COL5A2: variants seen among roughly 807,000 people sequenced by gnomAD.
COL5A2 encodes the protein collagen type V alpha 2 chain, also known as collagen alpha-2(V) chain.
Under a neutral mutation model 208.2 loss-of-function variants are expected in COL5A2, and 23 were observed. The ratio of observed to expected loss-of-function variants is 0.11; its 90% CI spans 0.08 to 0.16. COL5A2 has a LOEUF of 0.16. Ranked by LOEUF, COL5A2 falls within the 10% of genes least tolerant of loss-of-function variation. COL5A2 has a pLI of 1.00. For missense variants in COL5A2, 1,590 were observed against 1,956.4 expected, an observed-to-expected ratio of 0.81 and a Z score of 3.53; for synonymous variants, 625 against 628.5, an observed-to-expected ratio of 0.99 and a Z score of 0.08.
chr2:189,309,660 C>T, the COL5A2 span, among the ~76,000 whole-genome samples: 1 of 152,136 alleles, frequency 6.6e-6, no homozygotes, highest in Non-Finnish European at 1.5e-5. Flanking sequence ...TTAAAACTTG[C>T]CTCAGTCTCT....
At chr2:189,399,252 AT>A in the COL5A2 span, among the ~76,000 whole-genome samples, 13,263 of 140,388 alleles carry the variant, frequency 0.094, 1,177 homozygotes, top group African/African-American at 0.25. Context: ...TTATTTTACG[AT>A]TTTTTTTTTT....
chr2:189,185,897 G>C (rs117119525), intron 1 of COL5A2, among the ~76,000 whole-genome samples: 1 of 152,162 alleles, frequency 6.6e-6, no homozygotes, highest in South Asian at 2.1e-4. Context: ...GAAAATGATT[G>C]TCCTAGAGAA....
intron 1 of COL5A2, among the ~76,000 whole-genome samples, chr2:189,200,103 C>A (rs1344410948): frequency 1.3e-5 from 2 of 152,204 alleles, no homozygotes; most frequent in Non-Finnish European, 2.9e-5. Context: ...TAACTTCTCT[C>A]TTCCTTGCAC....
the COL5A2 span, among the ~76,000 whole-genome samples, chr2:189,327,369 TG>T: frequency 4.0e-5 from 6 of 151,402 alleles, no homozygotes; most frequent in African/African-American, 1.5e-4. Flanking sequence ...GGGTTGGGCA[TG>T]GGAATAGGAA....
chr2:189,358,160 G>A, the COL5A2 span, among the ~76,000 whole-genome samples: 3 of 151,736 alleles, frequency 2.0e-5, no homozygotes, highest in East Asian at 1.9e-4. Context: ...GACTGGAGCT[G>A]TTCCTGTTTG....
chr2:189,190,555 A>T (rs538065967), intron 1 of COL5A2, among the ~76,000 whole-genome samples: 3 of 152,214 alleles, frequency 2.0e-5, no homozygotes, highest in Admixed American at 2.0e-4. Flanking sequence ...TCAATTTCTA[A>T]AGCCCAGCAG....
chr2:189,351,089 A>C, the COL5A2 span, among the ~76,000 whole-genome samples: 1 of 152,188 alleles, frequency 6.6e-6, no homozygotes, highest in Non-Finnish European at 1.5e-5. Flanking sequence ...GTTTTTACCA[A>C]TAGGAGTCTC....
intron 1 of COL5A2, among the ~76,000 whole-genome samples, chr2:189,125,969 A>T (rs946551923): frequency 6.6e-6 from 1 of 152,100 alleles, no homozygotes; most frequent in Non-Finnish European, 1.5e-5. Flanking sequence ...AGTTTAGTCA[A>T]AACTTACAGG....
intron 1 of COL5A2, among the ~76,000 whole-genome samples, chr2:189,146,586 A>G (rs549397930): frequency 1.3e-5 from 2 of 152,298 alleles, no homozygotes; most frequent in South Asian, 4.1e-4. Flanking sequence ...GCAAGAAAAA[A>G]GGAATGCCAT....
intron 1 of COL5A2, among the ~76,000 whole-genome samples, chr2:189,111,802 A>T (rs1326411091): frequency 2.0e-5 from 3 of 151,456 alleles, no homozygotes; most frequent in African/African-American, 7.3e-5. Flanking sequence ...TATCTCCCTC[A>T]CTAGAGAAAA....
the COL5A2 span, among the ~76,000 whole-genome samples, chr2:189,403,134 T>G: frequency 1.1e-3 from 170 of 152,312 alleles, no homozygotes; most frequent in African/African-American, 3.7e-3. Context: ...ACCACCCTGG[T>G]GAGCTGCATT....
At chr2:189,204,161 T>C (rs1261591588) in intron 1 of COL5A2, among the ~76,000 whole-genome samples, 1 of 152,228 alleles carries the variant, frequency 6.6e-6, no homozygotes, top group African/African-American at 2.4e-5. Context: ...CCTCCCAAAG[T>C]GCTGGGATTA....
At chr2:189,363,666 T>C in the COL5A2 span, among the ~76,000 whole-genome samples, 1 of 152,116 alleles carries the variant, frequency 6.6e-6, no homozygotes, top group Admixed American at 6.5e-5. Context: ...TTAATACTAA[T>C]AAGAGATTTC....
chr2:189,063,372 T>TA (rs1686077788), intron 26 of COL5A2, 102 bp from the exon 27 acceptor site: 3 of 963,360 alleles, frequency 3.1e-6, no homozygotes, highest in Non-Finnish European at 4.9e-6. Flanking sequence ...ACATAAATTT[T>TA]AAATTATCTT....
chr2:189,307,424 TTAA>T, the COL5A2 span, among the ~76,000 whole-genome samples: 38 of 152,240 alleles, frequency 2.5e-4, no homozygotes, highest in Non-Finnish European at 4.7e-4. Flanking sequence ...AAATTAAAAA[TTAA>T]TAAGCAGAAA....
At chr2:189,361,239 A>G in the COL5A2 span, among the ~76,000 whole-genome samples, 1 of 152,054 alleles carries the variant, frequency 6.6e-6, no homozygotes, top group East Asian at 1.9e-4. Context: ...TGTTGCAGTC[A>G]ATCTCTCCTT....
chr2:189,160,848 G>C (rs192919416), intron 1 of COL5A2, among the ~76,000 whole-genome samples: 60 of 24,412 alleles, frequency 2.5e-3, no homozygotes, highest in African/African-American at 0.01. Context: ...TTTTTTTTTT[G>C]AGACGGAGTT....
rs7578635 is a variant in COL5A2, at chr2:189,127,574, C to A, written c.98-17125G>T. Among the ~76,000 whole-genome samples, 987 of 152,112 alleles carry A rather than the reference C, an allele frequency of 6.5e-3. 14 individuals are homozygous for A. Among genetic ancestry groups the A allele is most frequent in the African/African-American group, 0.023 (950 of 41,526 alleles). The stretch of plus-strand genomic sequence containing the variant: ...TTGCTATGTAACACTTGACAAATTA[C>A]AATTTCTTTGATTGTCATGTATTTT... On this transcript the variant is annotated intron_variant, in intron 1 of 53. Transcript: ENST00000374866.
chr2:189,328,548 GT>G, the COL5A2 span, among the ~76,000 whole-genome samples: 4 of 152,170 alleles, frequency 2.6e-5, no homozygotes, highest in Non-Finnish European at 5.9e-5. Flanking sequence ...CCTTCCATGT[GT>G]AAATAGATAC....
Sources: allele counts gnomAD v4.1 joint callset (sites outside exome capture counted in the v4.1 genomes callset), GRCh38; gene constraint gnomAD v4.1.1; transcripts MANE v1.5; gene names NCBI Gene and HGNC (gene_info 2026-07-23, HGNC 2026-07-21).